DPP10: variants seen among roughly 807,000 people sequenced by gnomAD.
DPP10 encodes the protein dipeptidyl peptidase like 10.
Under a neutral mutation model 120.9 loss-of-function variants are expected in DPP10, and 33 were observed. The observed-to-expected ratio is 0.27, with a 90% CI of 0.21 to 0.37. The LOEUF (loss-of-function observed/expected upper bound fraction) is 0.37, where lower values mean the gene tolerates loss of function less well. DPP10 is among the 10% of genes least tolerant of loss of function. The pLI is 1.00. For synonymous variants in DPP10, 337 were observed against 326.1 expected (o/e 1.03, Z -0.36); for missense variants, 816 against 942.8 (o/e 0.87, Z 1.76).
chr2:115,078,711 G>C (rs568773934), intron 1 of DPP10, among the ~76,000 whole-genome samples: 12 of 152,156 alleles, frequency 7.9e-5, no homozygotes, highest in African/African-American at 2.7e-4. Context: ...ATACAACACG[G>C]GATTGGTCAC....
intron 1 of DPP10, among the ~76,000 whole-genome samples, chr2:114,974,417 C>CTTTTTTTTT (rs36001857): frequency 7.6e-6 from 1 of 131,592 alleles, no homozygotes; most frequent in Non-Finnish European, 1.6e-5. Flanking sequence ...CCTTTTTATC[C>CTTTTTTTTT]TTTTTTTTTT....
At chr2:115,316,967 G>A (rs2061825117) in intron 2 of DPP10, among the ~76,000 whole-genome samples, 1 of 152,072 alleles carries the variant, frequency 6.6e-6, no homozygotes, top group Non-Finnish European at 1.5e-5. Context: ...AAAACAATTA[G>A]CCAGGTTTGT....
chr2:115,378,764 G>A lies in DPP10; in HGVS notation c.271+34852G>A, dbSNP rs539286397. Among the ~76,000 whole-genome samples the A allele has an allele frequency of 1.6e-4, 25 of 152,256 alleles. 1 individual carries two copies. Among genetic ancestry groups the A allele is most frequent in the East Asian group, 1.5e-3 (8 of 5,176 alleles). ...TTTATTGAGATTTTTAGCATGAAGCGTTGTTGAATTTTGTCAAAGGCCTTT... is the reference window on the plus strand; with the variant it reads ...TTTATTGAGATTTTTAGCATGAAGCATTGTTGAATTTTGTCAAAGGCCTTT... On this transcript the variant is annotated intron_variant, in intron 3 of 25. Coordinates refer to ENST00000410059, the MANE Select transcript of DPP10 (RefSeq NM_020868.6).
intron 1 of DPP10, among the ~76,000 whole-genome samples, chr2:115,268,850 T>C (rs2059569851): frequency 6.6e-6 from 1 of 152,198 alleles, no homozygotes; most frequent in African/African-American, 2.4e-5. Context: ...TTTTATCCAG[T>C]GCCTTTTAAG....
chr2:114,748,338 C>CTTTTCT (rs1299035144), intron 1 of DPP10, among the ~76,000 whole-genome samples: 8 of 70,316 alleles, frequency 1.1e-4, no homozygotes, highest in Admixed American at 3.0e-4. Flanking sequence ...AGGGAATTTT[C>CTTTTCT]TTTTTTTTTT....
intron 1 of DPP10, among the ~76,000 whole-genome samples, chr2:115,166,626 TCTTG>T (rs2052896596): frequency 6.8e-6 from 1 of 146,796 alleles, no homozygotes. Context: ...AACAAATATC[TCTTG>T]CTTAGAATCT....
At chr2:115,373,145 A>G (rs2106410623) in intron 3 of DPP10, among the ~76,000 whole-genome samples, 1 of 152,320 alleles carries the variant, frequency 6.6e-6, no homozygotes, top group South Asian at 2.1e-4. Context: ...TAGTAGGAAA[A>G]GTAGAAGCAA....
At chr2:115,697,847 T>C (rs1464407107) in intron 7 of DPP10, among the ~76,000 whole-genome samples, 1 of 151,884 alleles carries the variant, frequency 6.6e-6, no homozygotes, top group Non-Finnish European at 1.5e-5. Context: ...TAGCCGGGCG[T>C]GGTGGCGGGC....
At chr2:114,803,302 A>T (rs1323979663) in intron 1 of DPP10, among the ~76,000 whole-genome samples, 2 of 152,196 alleles carry the variant, frequency 1.3e-5, no homozygotes, top group African/African-American at 4.8e-5. Context: ...CATCTTGGGT[A>T]TGTCTTTATC....
At chr2:114,763,243 G>C (rs1680431846) in intron 1 of DPP10, among the ~76,000 whole-genome samples, 1 of 152,110 alleles carries the variant, frequency 6.6e-6, no homozygotes, top group Admixed American at 6.6e-5. Context: ...CTTGAAAAGA[G>C]GTAAAATCAT....
rs192012819 is a variant in DPP10 at position 114,655,400 on chromosome 2, G to A, written c.60+212562G>A. ...TTCTGTTTGGCTTCAGCAAAACCTC[G>A]TGTTCCACTTTCAGAGCATGAAAGA... On this transcript the variant is annotated intron_variant, in intron 1 of 25. Coordinates refer to ENST00000410059, the MANE Select transcript of DPP10 (RefSeq NM_020868.6). Among the ~76,000 whole-genome samples, 756 of 152,268 alleles carry A rather than the reference G, an allele frequency of 5.0e-3. 3 individuals are homozygous for A. Among genetic ancestry groups the A allele is most frequent in the Middle Eastern group, 0.017 (5 of 294 alleles).
chr2:115,599,331 A>G (rs1196644047), intron 5 of DPP10, among the ~76,000 whole-genome samples: 1 of 152,078 alleles, frequency 6.6e-6, no homozygotes, highest in African/African-American at 2.4e-5. Context: ...ACATTGTCTC[A>G]TAGACTTCTT....
intron 1 of DPP10, among the ~76,000 whole-genome samples, chr2:114,497,232 T>G (rs1015527764): frequency 1.3e-5 from 2 of 148,886 alleles, no homozygotes; most frequent in African/African-American, 5.0e-5. Flanking sequence ...TGCATGTACG[T>G]GCGTATACAT....
chr2:115,201,381 G>A (rs1287377850), intron 1 of DPP10, among the ~76,000 whole-genome samples: 4 of 152,068 alleles, frequency 2.6e-5, no homozygotes, highest in Non-Finnish European at 2.9e-5. Flanking sequence ...GAGAATTGCT[G>A]GAACCCGGGT....
At chr2:115,532,498 T>A (rs1174866173) in intron 5 of DPP10, among the ~76,000 whole-genome samples, 1 of 152,096 alleles carries the variant, frequency 6.6e-6, no homozygotes, top group African/African-American at 2.4e-5. Flanking sequence ...AAGTGAAACA[T>A]ACTACAATAT....
chr2:115,003,700 C>G (rs1006728082), intron 1 of DPP10, among the ~76,000 whole-genome samples: 1 of 151,904 alleles, frequency 6.6e-6, no homozygotes, highest in East Asian at 1.9e-4. Context: ...AAAAGAACCA[C>G]AAATTATTGA....
chr2:114,583,994 CTTTAAGGTATTTA>C (rs1248670202), intron 1 of DPP10, among the ~76,000 whole-genome samples: 2 of 152,014 alleles, frequency 1.3e-5, no homozygotes, highest in Admixed American at 1.3e-4. Context: ...TATGTTAAGA[CTTTAAGGTATTTA>C]CCTGTTAAGA....
intron 3 of DPP10, among the ~76,000 whole-genome samples, chr2:115,491,451 T>C (rs2076117864): frequency 6.6e-6 from 1 of 151,994 alleles, no homozygotes; most frequent in African/African-American, 2.4e-5. Context: ...TTACAGACTG[T>C]GAGTATATAT....
At chr2:114,794,601 A>G (rs1683536334) in intron 1 of DPP10, among the ~76,000 whole-genome samples, 1 of 152,218 alleles carries the variant, frequency 6.6e-6, no homozygotes, top group Admixed American at 6.5e-5. Context: ...CCAAATTAAC[A>G]GGCAAAGTGT....
Sources: allele counts gnomAD v4.1 joint callset (sites outside exome capture counted in the v4.1 genomes callset), GRCh38; gene constraint gnomAD v4.1.1; transcripts MANE v1.5; gene names NCBI Gene and HGNC (gene_info 2026-07-23, HGNC 2026-07-21).